The following DNAH6 variants were observed in gnomAD, a reference collection of about 807,000 sequenced individuals.
The protein encoded by DNAH6 is axonemal beta dynein heavy chain 6.
Under a neutral mutation model 491.4 loss-of-function variants are expected in DNAH6, and 340 were observed. The ratio of observed to expected loss-of-function variants is 0.69; its 90% confidence interval spans 0.63 to 0.76. DNAH6 has a LOEUF of 0.76. Ranked by LOEUF, DNAH6 falls within the 30% of genes least tolerant of loss-of-function variation. DNAH6 has a pLI of 0.00. For synonymous variants in DNAH6, 1,603 were observed against 1,686.1 expected, an observed-to-expected ratio of 0.95 and a Z score of 1.21; for missense variants, 4,443 against 4,972.2, an observed-to-expected ratio of 0.89 and a Z score of 3.20.
chr2:84,496,206 C>T, the DNAH6 span, among the ~76,000 whole-genome samples: 4 of 152,308 alleles, frequency 2.6e-5, no homozygotes, highest in Non-Finnish European at 5.9e-5. Flanking sequence ...TGATCCATTT[C>T]ATCCTGGCCT....
At chr2:84,502,893 G>A in the DNAH6 span, among the ~76,000 whole-genome samples, 13 of 152,114 alleles carry the variant, frequency 8.5e-5, 1 homozygote, top group East Asian at 2.3e-3. Flanking sequence ...TCTTTACAGG[G>A]AATATGTGTT....
chr2:84,488,996 T>A, the DNAH6 span, among the ~76,000 whole-genome samples: 1 of 152,130 alleles, frequency 6.6e-6, no homozygotes, highest in Admixed American at 6.5e-5. Context: ...TTATCAATGA[T>A]AAAGATGATA....
At chr2:84,654,524 A>G in intron 34 of DNAH6, 136 bp from the exon 35 acceptor site, 3 of 1,134,354 alleles carry the variant, frequency 2.6e-6, no homozygotes, top group Non-Finnish European at 3.7e-6. Flanking sequence ...TTGCTCTCCC[A>G]CTCTCTTCCA....
chr2:84,729,055 C>T (rs1056691270), intron 61 of DNAH6, among the ~76,000 whole-genome samples: 9 of 152,066 alleles, frequency 5.9e-5, no homozygotes, highest in African/African-American at 1.4e-4. Flanking sequence ...CAGAAAAAGC[C>T]GAGACAAGAT....
chr2:84,709,813 G>C (rs1179581253), intron 55 of DNAH6, among the ~76,000 whole-genome samples: 1 of 152,142 alleles, frequency 6.6e-6, no homozygotes, highest in East Asian at 1.9e-4. Context: ...TTTGTTTTCT[G>C]TGAGGGCAGA....
At chr2:84,690,214 C>T (rs900583656) in intron 45 of DNAH6, among the ~76,000 whole-genome samples, 3 of 152,166 alleles carry the variant, frequency 2.0e-5, no homozygotes, top group African/African-American at 7.2e-5. Flanking sequence ...TTAATACTGA[C>T]AGTTAAATCC....
chr2:84,569,381 G>T (rs371373156), intron 11 of DNAH6, among the ~76,000 whole-genome samples: 2 of 152,046 alleles, frequency 1.3e-5, no homozygotes, highest in East Asian at 3.9e-4. Context: ...CCTAGAGGAG[G>T]TAATGTGAAT....
chr2:84,753,755 T>TAAAAAAAAAAAAA lies in DNAH6; in HGVS notation c.10512+8518_10512+8530dup, dbSNP rs1162541312. Reference sequence around the variant, plus strand: ...CTGGGCAACAGGAGTGAAACTCTGTTAAAAAAAAAAAAAAAAAAAAAAAAG... The same window carrying TAAAAAAAAAAAAA: ...CTGGGCAACAGGAGTGAAACTCTGTTAAAAAAAAAAAAAAAAAAAAAAAAAAAAAAAAAAAAAG... On this transcript the variant is annotated intron_variant, in intron 63 of 76. Coordinates refer to ENST00000389394, the MANE Select transcript of DNAH6 (RefSeq NM_001370.2). Among the ~76,000 whole-genome samples, 41 of 77,126 alleles carry TAAAAAAAAAAAAA rather than the reference T, an allele frequency of 5.3e-4. 2 individuals carry two copies. The highest frequency in any genetic ancestry group is 1.8e-3 in the African/African-American group (31 of 17,578). 50.6% of individuals were successfully genotyped at this position (77,126 alleles called of 152,430 possible).
Position 84,681,369 on chromosome 2 carries a change from G to A in DNAH6, c.6757G>A (p.Gly2253Ser). Residue 2253 changes from glycine to serine, a missense_variant, in exon 42 of 77, where the codon GGT becomes AGT. Gly to Ser is a moderately conservative substitution (Grantham distance 56, BLOSUM62 0). Around this residue, in one of 3 missense-constraint regions of DNAH6, gnomAD observed 2,977 missense variants for 3,296.6 expected, o/e 0.90. Transcript: ENST00000389394. ...TTTCTGGTTCTAGGCCATCTTAAAT[G>A]GTTTCCTGAGTGACTTTCCACCAGC... is the stretch of plus-strand genomic sequence containing the variant. Reference protein sequence around the residue: ...LKQIFQAILNGFLSDFPPAVK... With the variant: ...LKQIFQAILNSFLSDFPPAVK... The A allele has an allele frequency of 6.5e-7, 1 of 1,542,494 alleles. No homozygotes were observed. Among genetic ancestry groups the A allele is most frequent in the East Asian group, 2.5e-5 (1 of 40,474 alleles).
At chr2:84,812,561 C>T (rs1485198653) in intron 73 of DNAH6, 35 bp downstream of exon 73, 1 of 1,529,108 alleles carries the variant, frequency 6.5e-7, no homozygotes, top group South Asian at 1.2e-5. Context: ...TTTGATGAAT[C>T]TGATGGCATA....
intron 30 of DNAH6, among the ~76,000 whole-genome samples, chr2:84,636,760 G>T (rs542238992): frequency 8.5e-4 from 130 of 152,240 alleles, no homozygotes; most frequent in Non-Finnish European, 1.4e-3. Flanking sequence ...GGTGGGGTGT[G>T]CCTGTGGTCC....
intron 11 of DNAH6, among the ~76,000 whole-genome samples, chr2:84,566,959 T>G (rs1462502680): frequency 1.3e-5 from 2 of 152,056 alleles, no homozygotes; most frequent in African/African-American, 2.4e-5. Context: ...ATGGTTCACA[T>G]TCTACACACC....
chr2:84,533,207 T>C (rs1327179591), intron 4 of DNAH6, among the ~76,000 whole-genome samples: 1 of 152,126 alleles, frequency 6.6e-6, no homozygotes, highest in Non-Finnish European at 1.5e-5. Flanking sequence ...TTTTTTGACT[T>C]AGCATTGACA....
intron 63 of DNAH6, among the ~76,000 whole-genome samples, chr2:84,746,499 T>C (rs1307628748): frequency 6.6e-6 from 1 of 152,222 alleles, no homozygotes; most frequent in Non-Finnish European, 1.5e-5. Flanking sequence ...TCTATGCATT[T>C]AGATATAATT....
At position 84,544,266 on chromosome 2, in the gene DNAH6, CTACTA is replaced by C. The variant is rs1558688451; in HGVS notation, c.703_707del (p.Thr235Ter). The C allele has an allele frequency of 2.7e-6, 4 of 1,500,310 alleles. No homozygotes were observed. The highest frequency in any genetic ancestry group is 1.4e-5 in the African/African-American group (1 of 72,178). 92.9% of individuals were successfully genotyped at this position (1,500,310 alleles called of 1,614,324 possible). A position where few individuals can be genotyped will look rare whatever the true frequency, so the allele number is the denominator to read the frequency against. ...GTTATGAGAACATCAATAAAAATGA[CTACTA>C]TACTATTAGCCAAAGGGCAGTAACA... On this transcript the variant is annotated frameshift_variant, in exon 5 of 77. Coordinates refer to ENST00000389394, the MANE Select transcript of DNAH6 (RefSeq NM_001370.2). LOFTEE classifies it high-confidence loss of function.
At chr2:84,563,383 C>G (rs1680862384) in intron 11 of DNAH6, among the ~76,000 whole-genome samples, 1 of 152,174 alleles carries the variant, frequency 6.6e-6, no homozygotes, top group Middle Eastern at 3.4e-3. Flanking sequence ...CCATAGCCTC[C>G]CTAGGTATGG....
intron 42 of DNAH6, among the ~76,000 whole-genome samples, chr2:84,682,393 G>A (rs1032126537): frequency 2.6e-5 from 4 of 152,144 alleles, no homozygotes; most frequent in African/African-American, 9.7e-5. Context: ...GGGGCCGCAG[G>A]GCTCGGTCTT....
intron 72 of DNAH6, among the ~76,000 whole-genome samples, chr2:84,811,676 C>T (rs1230853147): frequency 2.6e-5 from 4 of 152,226 alleles, no homozygotes; most frequent in African/African-American, 9.6e-5. Flanking sequence ...GCCTGGCCAA[C>T]ATGGCAAAAC....
At chr2:84,723,162 A>ATGTT (rs1698321840) in intron 60 of DNAH6, among the ~76,000 whole-genome samples, 1 of 152,160 alleles carries the variant, frequency 6.6e-6, no homozygotes, top group African/African-American at 2.4e-5. Context: ...CAGGAGGTGG[A>ATGTT]TGTTTCAATG....
Sources: gnomAD v4.1 joint callset for allele counts (sites outside exome capture counted in the v4.1 genomes callset) on GRCh38, gnomAD v4.1.1 for gene constraint, gnomAD v4.1.1 regional missense constraint, MANE v1.5 for transcripts, NCBI Gene and HGNC (gene_info 2026-07-23, HGNC 2026-07-21) for gene names.